USH2A: variants seen among roughly 807,000 people sequenced by gnomAD.
The protein encoded by USH2A is usherin.
Under a neutral mutation model 538.9 loss-of-function variants are expected in USH2A, and 443 were observed. That is an observed-to-expected ratio of 0.82 (90% CI 0.76 to 0.89). The LOEUF is 0.89. Among genes scored for constraint, USH2A ranks in the 40% least tolerant of loss-of-function variants. USH2A has a pLI of 0.00. For missense variants in USH2A, 6,633 were observed against 6,324.8 expected (o/e 1.05, Z -1.65); for synonymous variants, 2,413 against 2,273.5 (o/e 1.06, Z -1.75).
At chr1:215,676,456 C>T (rs368252993) in intron 62 of USH2A, among the ~76,000 whole-genome samples, 1 of 152,108 alleles carries the variant, frequency 6.6e-6, no homozygotes, top group African/African-American at 2.4e-5. Flanking sequence ...AGAGAGATGA[C>T]ACACTCCTTT....
chr1:216,104,707 G>C (rs555499536), intron 21 of USH2A, among the ~76,000 whole-genome samples: 16 of 151,924 alleles, frequency 1.1e-4, no homozygotes, highest in South Asian at 8.3e-4. Context: ...AGACCTAAAA[G>C]CATAAAAACC....
chr1:216,106,450 A>G (rs2032734314), intron 21 of USH2A, among the ~76,000 whole-genome samples: 1 of 151,010 alleles, frequency 6.6e-6, no homozygotes, highest in African/African-American at 2.4e-5. Flanking sequence ...AGCTGTATTG[A>G]GATAATATGA....
intron 61 of USH2A, among the ~76,000 whole-genome samples, chr1:215,698,534 T>C (rs1198394837): frequency 2.6e-5 from 4 of 152,242 alleles, no homozygotes. Context: ...TGTGAGATGG[T>C]ATCTCATTGT....
At chr1:215,964,567 C>T (rs1667286228) in intron 37 of USH2A, among the ~76,000 whole-genome samples, 1 of 152,080 alleles carries the variant, frequency 6.6e-6, no homozygotes, top group Non-Finnish European at 1.5e-5. Flanking sequence ...TGACTGAATC[C>T]ACGATATTGC....
chr1:216,213,414 T>C (rs1379474550), intron 15 of USH2A, among the ~76,000 whole-genome samples: 3 of 152,080 alleles, frequency 2.0e-5, no homozygotes. Flanking sequence ...CATTATTGAA[T>C]ATGATGTTAG....
chr1:215,844,640 C>A, intron 45 of USH2A, 144 bp from the exon 46 acceptor site: 1 of 864,034 alleles, frequency 1.2e-6, no homozygotes, highest in Non-Finnish European at 1.8e-6. Flanking sequence ...AGTCTGTAGT[C>A]CTCTGTAAAT....
In USH2A at chr1:215,701,718, C is replaced by T. The variant is rs142466992; in HGVS notation, c.12067-21342G>A. ...TTTTGAGCCTATGTGTGTCTTTGCA[C>T]GTGAGGTTGGTCTCCTGAATACAGC... On this transcript the variant is annotated intron_variant, in intron 61 of 71. Transcript: ENST00000307340. Among the ~76,000 whole-genome samples the T allele has an allele frequency of 2.1e-3, 327 of 152,236 alleles. 4 individuals carry two copies. Among genetic ancestry groups the T allele is most frequent in the African/African-American group, 7.5e-3 (310 of 41,534 alleles).
intron 55 of USH2A, among the ~76,000 whole-genome samples, chr1:215,779,052 T>C (rs1044693299): frequency 1.3e-5 from 2 of 152,144 alleles, no homozygotes; most frequent in African/African-American, 4.8e-5. Context: ...TAGATAAGGT[T>C]CCTGCTCTCT....
At chr1:215,921,385 A>G (rs1666095973) in intron 38 of USH2A, among the ~76,000 whole-genome samples, 1 of 152,030 alleles carries the variant, frequency 6.6e-6, no homozygotes, top group Non-Finnish European at 1.5e-5. Context: ...AACATGTTTT[A>G]CCTACATTTT....
chr1:216,030,887 CT>C (rs1294137007), intron 32 of USH2A, among the ~76,000 whole-genome samples: 1 of 150,802 alleles, frequency 6.6e-6, no homozygotes, highest in African/African-American at 2.4e-5. Flanking sequence ...GAATTTTGTC[CT>C]TTAGGGAACC....
intron 8 of USH2A, 114 bp from the exon 9 acceptor site, chr1:216,322,090 T>G: frequency 1.0e-6 from 1 of 978,974 alleles, no homozygotes; most frequent in African/African-American, 1.6e-5. Flanking sequence ...TTTTGTATAT[T>G]TAATTGATAC....
At chr1:216,279,537 T>C (rs141181618) in intron 11 of USH2A, among the ~76,000 whole-genome samples, 19 of 152,232 alleles carry the variant, frequency 1.2e-4, no homozygotes, top group African/African-American at 4.3e-4. Context: ...CAGGCGGCAA[T>C]TGTATCATCT....
chr1:215,630,472 A>ATGTGTGTG (rs200498400), intron 70 of USH2A, among the ~76,000 whole-genome samples: 28 of 64,046 alleles, frequency 4.4e-4, no homozygotes, highest in African/African-American at 1.3e-3. Context: ...ATGTATGTGT[A>ATGTGTGTG]TGTGTGTGTG....
At chr1:215,913,481 T>A (rs1397621283) in intron 38 of USH2A, among the ~76,000 whole-genome samples, 1 of 152,058 alleles carries the variant, frequency 6.6e-6, no homozygotes. Context: ...GTGATCTCAC[T>A]GTTTGAGGAA....
intron 15 of USH2A, among the ~76,000 whole-genome samples, chr1:216,212,795 C>T (rs1006174575): frequency 5.4e-4 from 82 of 151,692 alleles, no homozygotes; most frequent in Non-Finnish European, 1.0e-3. Flanking sequence ...CTCTACCCTC[C>T]AGTGTGCTGG....
chr1:216,158,162 A>G (rs1162731128), intron 21 of USH2A, among the ~76,000 whole-genome samples: 1 of 152,088 alleles, frequency 6.6e-6, no homozygotes, highest in Non-Finnish European at 1.5e-5. Context: ...GATTGTTACC[A>G]GTTTTTGATT....
intron 32 of USH2A, among the ~76,000 whole-genome samples, chr1:216,008,002 C>T (rs1668447732): frequency 6.6e-6 from 1 of 152,220 alleles, no homozygotes; most frequent in Non-Finnish European, 1.5e-5. Context: ...CTATGCTTAT[C>T]ATAACCACAC....
intron 4 of USH2A, among the ~76,000 whole-genome samples, chr1:216,342,712 T>A (rs563986918): frequency 5.9e-5 from 9 of 152,164 alleles, no homozygotes; most frequent in Non-Finnish European, 1.3e-4. Context: ...CTGGAAGCCA[T>A]CATCCTTAGC....
chr1:215,647,864 G>T (rs994261880), intron 66 of USH2A, 134 bp from the exon 67 acceptor site: 9 of 986,942 alleles, frequency 9.1e-6, no homozygotes, highest in Middle Eastern at 3.0e-4. Flanking sequence ...ATTTCCATTT[G>T]CAGGAAACTG....
Sources: gnomAD v4.1 joint callset for allele counts (sites outside exome capture counted in the v4.1 genomes callset) on GRCh38, gnomAD v4.1.1 for gene constraint, MANE v1.5 for transcripts, NCBI Gene and HGNC (gene_info 2026-07-23, HGNC 2026-07-21) for gene names.